HOMER2: variants seen among roughly 807,000 people sequenced by gnomAD.
HOMER2 encodes homer scaffold protein 2, also known as homer protein homolog 2.
A neutral mutation model predicts 47.0 loss-of-function variants in HOMER2; 27 were observed. The ratio of observed to expected loss-of-function variants is 0.57; its 90% CI spans 0.42 to 0.79. HOMER2 has a LOEUF of 0.79. Ranked by LOEUF, HOMER2 falls within the 30% of genes least tolerant of loss-of-function variation. The pLI is 0.00. For synonymous variants in HOMER2, 161 were observed against 163.8 expected, an observed-to-expected ratio of 0.98 and a Z score of 0.13; for missense variants, 443 against 435.0, an observed-to-expected ratio of 1.02 and a Z score of -0.16.
chr15:82,917,665 T>C (rs920086971), intron 1 of HOMER2, among the ~76,000 whole-genome samples: 2 of 152,166 alleles, frequency 1.3e-5, no homozygotes, highest in East Asian at 3.9e-4. Context: ...GAAGGAAAAC[T>C]AGTTAAGAAG....
At chr15:82,856,144 G>GTTA (rs1165969653) in intron 5 of HOMER2, among the ~76,000 whole-genome samples, 1 of 152,176 alleles carries the variant, frequency 6.6e-6, no homozygotes, top group East Asian at 1.9e-4. Flanking sequence ...ATAATAAAAT[G>GTTA]TTATTATCTG....
upstream of HOMER2, chr15:82,986,095 G>T (rs929344611): frequency 1.0e-6 from 1 of 985,550 alleles, no homozygotes; most frequent in Non-Finnish European, 1.2e-6. Flanking sequence ...CGAGCTCTGG[G>T]CGTTGTGCCA....
intron 1 of HOMER2, among the ~76,000 whole-genome samples, chr15:82,949,376 G>C (rs2054455229): frequency 1.3e-5 from 2 of 152,172 alleles, no homozygotes; most frequent in Non-Finnish European, 2.9e-5. Flanking sequence ...TTAGGAGTAA[G>C]AAGAAAAGCA....
chr15:82,858,767 C>T (rs914041083), intron 5 of HOMER2, among the ~76,000 whole-genome samples: 18 of 152,058 alleles, frequency 1.2e-4, no homozygotes, highest in Non-Finnish European at 2.6e-4. Flanking sequence ...CCTCTCTCCA[C>T]ACATTTACAT....
intron 1 of HOMER2, among the ~76,000 whole-genome samples, chr15:82,919,544 C>T (rs2053676181): frequency 6.6e-6 from 1 of 152,218 alleles, no homozygotes; most frequent in African/African-American, 2.4e-5. Flanking sequence ...AAAGAGGCTT[C>T]ACAGATCAAA....
chr15:82,892,699 C>T lies in HOMER2; in HGVS notation c.148G>A (p.Val50Met). The T allele has an allele frequency of 6.3e-7, 1 of 1,580,634 alleles. No individual in the cohort carries two copies. Among genetic ancestry groups the T allele is most frequent in the Non-Finnish European group, 8.6e-7 (1 of 1,156,194 alleles). ...VTRNSYRIIS[V>M]DGAKVIINST... Reference sequence around the variant, plus strand: ...GGGGGTGGTACCTTGGCTCCGTCCACACTGATGATCCGATAGCTGTTCCTT... The same window carrying T: ...GGGGGTGGTACCTTGGCTCCGTCCATACTGATGATCCGATAGCTGTTCCTT... Residue 50 changes from valine to methionine, a missense_variant, in exon 2 of 9, where the codon GTG becomes ATG. Val to Met is a conservative substitution (Grantham distance 21, BLOSUM62 1). Coordinates refer to ENST00000450735, the MANE Select transcript of HOMER2 (RefSeq NM_004839.4).
At chr15:82,910,379 C>T (rs1009874594) in intron 1 of HOMER2, among the ~76,000 whole-genome samples, 2 of 152,012 alleles carry the variant, frequency 1.3e-5, no homozygotes, top group East Asian at 1.9e-4. Context: ...TGGGGTGAGT[C>T]GGTGAGAGGA....
intron 1 of HOMER2, among the ~76,000 whole-genome samples, chr15:82,929,636 T>C (rs746006543): frequency 6.9e-5 from 8 of 116,400 alleles, no homozygotes; most frequent in Non-Finnish European, 1.1e-4. Flanking sequence ...CCAGCCTGGG[T>C]GACAGAGTGA....
chr15:82,911,487 T>C (rs1047240916), intron 1 of HOMER2, among the ~76,000 whole-genome samples: 2 of 152,190 alleles, frequency 1.3e-5, no homozygotes, highest in Non-Finnish European at 2.9e-5. Context: ...GGAATCACTT[T>C]AGTTTAAAAT....
chr15:82,909,422 G>T (rs1476130670), intron 1 of HOMER2, among the ~76,000 whole-genome samples: 1 of 152,142 alleles, frequency 6.6e-6, no homozygotes, highest in Non-Finnish European at 1.5e-5. Flanking sequence ...ATTCTGATTG[G>T]CTATTTTAAA....
Position 82,975,785 on chromosome 15 carries a change from C to T in HOMER2, n.82+10002G>A, listed in dbSNP as rs371570772. Among the ~76,000 whole-genome samples the T allele has an allele frequency of 2.6e-5, 4 of 152,254 alleles. No individual in the cohort carries two copies. The East Asian group carries it at 5.8e-4, about 22-fold the overall frequency. ...ACAAAAATAGAATGAGTAAGACCTA[C>T]TATTTGATAGCACAACAGAGTGACT... On this transcript the variant is annotated intron_variant and non_coding_transcript_variant, in intron 1 of 1. Transcript: ENST00000500334.
intron 3 of HOMER2, among the ~76,000 whole-genome samples, chr15:82,874,189 CCAGT>C: frequency 6.6e-6 from 1 of 152,304 alleles, no homozygotes; most frequent in Admixed American, 6.5e-5. Context: ...ACTTGTCCAG[CCAGT>C]CAGTCAGATG....
intron 1 of HOMER2, among the ~76,000 whole-genome samples, chr15:82,982,680 T>C (rs544643435): frequency 6.6e-6 from 1 of 152,328 alleles, no homozygotes; most frequent in South Asian, 2.1e-4. Context: ...CCAATCTCTA[T>C]ATTCTTTTCT....
At chr15:82,983,526 ATATTCCT>A (rs1338692962) in intron 1 of HOMER2, among the ~76,000 whole-genome samples, 1 of 151,294 alleles carries the variant, frequency 6.6e-6, no homozygotes, top group Non-Finnish European at 1.5e-5. Context: ...TACCTTATGG[ATATTCCT>A]TTTCAGCCCC....
intron 1 of HOMER2, among the ~76,000 whole-genome samples, chr15:82,968,268 G>A (rs1055519206): frequency 6.6e-6 from 1 of 152,142 alleles, no homozygotes; most frequent in African/African-American, 2.4e-5. Flanking sequence ...TACAGTTCCA[G>A]AATATTTTAT....
intron 1 of HOMER2, among the ~76,000 whole-genome samples, chr15:82,896,598 C>A (rs993737173): frequency 4.6e-5 from 7 of 152,180 alleles, no homozygotes; most frequent in African/African-American, 1.7e-4. Context: ...GGCACAGAGA[C>A]CTGGGAGGGG....
intron 6 of HOMER2, 64 bp downstream of exon 6, chr15:82,854,580 G>A (rs2051502703): frequency 2.0e-6 from 3 of 1,515,628 alleles, no homozygotes; most frequent in Non-Finnish European, 2.7e-6. Context: ...AGGGTTGTGG[G>A]TGCCCCCATC....
At chr15:82,839,221 G>T (rs2051153669) in exon 2 of HOMER2, 1 of 152,196 alleles carries the variant, frequency 6.6e-6, no homozygotes, top group South Asian at 2.1e-4. Flanking sequence ...CAGAAGAAAA[G>T]TGCCTCATAG....
chr15:82,857,477 C>G (rs375164639), intron 5 of HOMER2, among the ~76,000 whole-genome samples: 5 of 125,574 alleles, frequency 4.0e-5, no homozygotes, highest in African/African-American at 1.6e-4. Flanking sequence ...GTCGACCCGG[C>G]TGGAGTGCAG....
Sources: gnomAD v4.1 joint callset for allele counts (sites outside exome capture counted in the v4.1 genomes callset) on GRCh38, gnomAD v4.1.1 for gene constraint, MANE v1.5 for transcripts, NCBI Gene and HGNC (gene_info 2026-07-23, HGNC 2026-07-21) for gene names.